Variants in ZNF804B observed in about 807,000 individuals in gnomAD.
ZNF804B encodes the protein zinc finger 804B.
Under a neutral mutation model 101.4 loss-of-function variants are expected in ZNF804B, and 80 were observed. The ratio of observed to expected loss-of-function variants is 0.79; its 90% CI spans 0.66 to 0.95. The LOEUF is 0.95. Ranked by LOEUF, ZNF804B falls within the 40% of genes least tolerant of loss-of-function variation. The probability of loss-of-function intolerance (pLI) is 0.00; values close to 1 mark genes in which losing one functional copy is unlikely to be tolerated. For synonymous variants in ZNF804B, 622 were observed against 558.8 expected (o/e 1.11, Z -1.59); for missense variants, 1,673 against 1,561.9 (o/e 1.07, Z -1.20).
chr7:89,133,919 C>T (rs1446969749), intron 1 of ZNF804B, among the ~76,000 whole-genome samples: 1 of 152,048 alleles, frequency 6.6e-6, no homozygotes, highest in African/African-American at 2.4e-5. Context: ...TTGAGTACCT[C>T]TGAAAAATAT....
intron 1 of ZNF804B, among the ~76,000 whole-genome samples, chr7:89,041,632 G>T (rs570935181): frequency 6.6e-6 from 1 of 152,152 alleles, no homozygotes; most frequent in Non-Finnish European, 1.5e-5. Context: ...ACTGGGATTT[G>T]GTGGGATGGG....
At chr7:89,096,825 C>A (rs1263646890) in intron 1 of ZNF804B, among the ~76,000 whole-genome samples, 2 of 152,022 alleles carry the variant, frequency 1.3e-5, no homozygotes, top group African/African-American at 2.4e-5. Context: ...TAGGCCCTTT[C>A]TAGGGAACTA....
chr7:89,118,360 G>T (rs1231930424), intron 1 of ZNF804B, among the ~76,000 whole-genome samples: 2 of 152,066 alleles, frequency 1.3e-5, no homozygotes, highest in Non-Finnish European at 1.5e-5. Context: ...TTATCAATTA[G>T]TGAGATAATC....
At chr7:89,099,860 G>A (rs1055313452) in intron 1 of ZNF804B, among the ~76,000 whole-genome samples, 2 of 152,064 alleles carry the variant, frequency 1.3e-5, no homozygotes, top group African/African-American at 4.8e-5. Flanking sequence ...AGTGAGGACT[G>A]GACTGAACTA....
intron 2 of ZNF804B, among the ~76,000 whole-genome samples, chr7:89,325,179 G>A (rs999352918): frequency 2.0e-5 from 3 of 151,920 alleles, no homozygotes; most frequent in African/African-American, 7.2e-5. Context: ...AAAACTTGCA[G>A]CAGATCTCTG....
intron 1 of ZNF804B, among the ~76,000 whole-genome samples, chr7:89,162,341 C>A (rs1053797230): frequency 6.6e-6 from 1 of 152,052 alleles, no homozygotes; most frequent in Non-Finnish European, 1.5e-5. Flanking sequence ...TATGAAGATA[C>A]CATCTAACTG....
intron 1 of ZNF804B, among the ~76,000 whole-genome samples, chr7:89,108,391 A>C (rs1790166886): frequency 6.6e-6 from 1 of 152,124 alleles, no homozygotes; most frequent in Non-Finnish European, 1.5e-5. Context: ...CTAATGAAAG[A>C]CAGATCATGA....
At chr7:89,022,790 C>T (rs1021271451) in intron 1 of ZNF804B, among the ~76,000 whole-genome samples, 1 of 152,012 alleles carries the variant, frequency 6.6e-6, no homozygotes, top group African/African-American at 2.4e-5. Flanking sequence ...TGAAGCAAGG[C>T]AGAACGATAA....
At chr7:88,908,826 C>G (rs1253677008) in intron 1 of ZNF804B, among the ~76,000 whole-genome samples, 1 of 151,712 alleles carries the variant, frequency 6.6e-6, no homozygotes, top group Non-Finnish European at 1.5e-5. Context: ...CTTCTACTGG[C>G]CACTCTTGCA....
chr7:89,201,145 C>T (rs958220184), intron 1 of ZNF804B, among the ~76,000 whole-genome samples: 4 of 151,804 alleles, frequency 2.6e-5, no homozygotes, highest in Admixed American at 6.6e-5. Context: ...ACATTTTCTA[C>T]TAAAAAGAGT....
chr7:89,078,925 G>A (rs778798722), intron 1 of ZNF804B, among the ~76,000 whole-genome samples: 1 of 152,058 alleles, frequency 6.6e-6, no homozygotes, highest in Non-Finnish European at 1.5e-5. Context: ...AGGAGATGGA[G>A]TATGGGGCCA....
intron 1 of ZNF804B, among the ~76,000 whole-genome samples, chr7:89,085,354 T>C (rs1236348884): frequency 6.6e-6 from 1 of 151,952 alleles, no homozygotes; most frequent in Non-Finnish European, 1.5e-5. Context: ...GGATCCCTGG[T>C]TAAAGTTTCT....
chr7:89,208,463 C>G (rs573987476), intron 1 of ZNF804B, among the ~76,000 whole-genome samples: 13 of 152,318 alleles, frequency 8.5e-5, no homozygotes, highest in Admixed American at 8.5e-4. Flanking sequence ...TGTATCTGAT[C>G]ATTAAGAAAT....
At chr7:89,321,664 A>G (rs1229103090) in intron 2 of ZNF804B, among the ~76,000 whole-genome samples, 1 of 152,080 alleles carries the variant, frequency 6.6e-6, no homozygotes, top group Non-Finnish European at 1.5e-5. Context: ...TTCACCAAGT[A>G]TACAGATGGT....
In ZNF804B at chr7:89,219,899, A is replaced by G. The variant is rs141916362; in HGVS notation, c.249+1604A>G. Among the ~76,000 whole-genome samples the G allele has an allele frequency of 5.4e-3, 797 of 148,116 alleles. 22 individuals are homozygous for G. Among genetic ancestry groups the G allele is most frequent in the African/African-American group, 0.019 (749 of 39,992 alleles). On this transcript the variant is annotated intron_variant, in intron 2 of 3. Transcript: ENST00000333190. ...AGTATATGTGTGTATATATGTATATATGTGTGTGCATATATATGTATATAC... is the reference window on the plus strand; with the variant it reads ...AGTATATGTGTGTATATATGTATATGTGTGTGTGCATATATATGTATATAC...
At chr7:89,163,758 A>G (rs946646400) in intron 1 of ZNF804B, among the ~76,000 whole-genome samples, 13 of 152,132 alleles carry the variant, frequency 8.5e-5, no homozygotes, top group African/African-American at 3.1e-4. Flanking sequence ...TACCTGCTTC[A>G]TAAACATTTT....
intron 2 of ZNF804B, among the ~76,000 whole-genome samples, chr7:89,241,951 A>G (rs544726963): frequency 6.6e-6 from 1 of 150,682 alleles, no homozygotes; most frequent in Admixed American, 6.6e-5. Context: ...ACTTTCCACC[A>G]ACTTCTCTTC....
chr7:89,335,050 G>A lies in ZNF804B; in HGVS notation c.2068G>A (p.Gly690Arg), dbSNP rs755925564. 5.3e-5 allele frequency: 85 copies of A among 1,613,644 alleles called. No individual in the cohort carries two copies. Among genetic ancestry groups the A allele is most frequent in the Middle Eastern group, 3.3e-4 (2 of 6,082 alleles). ...CATCAGCATGACCAGCAAGGTTTCC[G>A]GATGTGGAAACCAAAGATACAAGAG... ...NHISMTSKVS[G>R]CGNQRYKRYS... The change falls in exon 4 of 4, where the codon GGA (glycine) becomes AGA (arginine). Residue 690 changes from glycine (G) to arginine (R), a missense_variant. Coordinates refer to ENST00000333190, the MANE Select transcript of ZNF804B (RefSeq NM_181646.5).
intron 2 of ZNF804B, among the ~76,000 whole-genome samples, chr7:89,306,185 T>C (rs1172228714): frequency 6.6e-6 from 1 of 152,010 alleles, no homozygotes; most frequent in African/African-American, 2.4e-5. Flanking sequence ...AGATGATTTT[T>C]ACCTGAATTA....
Sources: gnomAD v4.1 joint callset for allele counts (sites outside exome capture counted in the v4.1 genomes callset) on GRCh38, gnomAD v4.1.1 for gene constraint, MANE v1.5 for transcripts, NCBI Gene and HGNC (gene_info 2026-07-23, HGNC 2026-07-21) for gene names.